TMEM182: variants seen among roughly 807,000 people sequenced by gnomAD.
TMEM182 encodes the protein transmembrane protein 182.
In TMEM182, 20 loss-of-function variants were observed where a neutral mutation model predicts 26.8. The observed-to-expected ratio is 0.75, with a 90% CI of 0.53 to 1.09. The LOEUF (loss-of-function observed/expected upper bound fraction) is 1.09, where lower values mean the gene tolerates loss of function less well. TMEM182 is among the 50% of genes least tolerant of loss of function. TMEM182 has a pLI of 0.00. For synonymous variants in TMEM182, 109 were observed against 102.2 expected, an observed-to-expected ratio of 1.07 and a Z score of -0.40; for missense variants, 277 against 275.5, an observed-to-expected ratio of 1.01 and a Z score of -0.04.
At chr2:102,820,350 A>T (rs1171231118), downstream of TMEM182, among the ~76,000 whole-genome samples, 3 of 152,228 alleles carry the variant, frequency 2.0e-5, no homozygotes, top group Non-Finnish European at 4.4e-5. Flanking sequence ...ATGGCACTAG[A>T]TGTTAGATAC....
intron 3 of TMEM182, among the ~76,000 whole-genome samples, chr2:102,769,763 T>C (rs1433649253): frequency 6.6e-6 from 1 of 152,232 alleles, no homozygotes; most frequent in African/African-American, 2.4e-5. Flanking sequence ...GTTGTTATTG[T>C]GCCATACTAT....
rs182511488 is a variant in TMEM182 at position 102,794,211 on chromosome 2, G to T, written c.332-3652G>T. On this transcript the variant is annotated intron_variant, in intron 3 of 4. Coordinates refer to ENST00000412401, the MANE Select transcript of TMEM182 (RefSeq NM_144632.5). ...TATTTTACAGAAAAAGAGACTTCTA[G>T]GAGTTTCAGTAACTGGTCCAAAGTT... Among the ~76,000 whole-genome samples the T allele has an allele frequency of 1.5e-3, 223 of 152,246 alleles. 5 individuals carry two copies. The highest frequency in any genetic ancestry group is 2.2e-4 in the Non-Finnish European group (15 of 68,006).
intron 3 of TMEM182, among the ~76,000 whole-genome samples, chr2:102,771,699 A>C (rs1403222888): frequency 6.6e-6 from 1 of 152,000 alleles, no homozygotes; most frequent in Non-Finnish European, 1.5e-5. Context: ...GAGATCCCTG[A>C]AAATGCCTTC....
intron 4 of TMEM182, among the ~76,000 whole-genome samples, chr2:102,809,168 G>C (rs1409060081): frequency 1.3e-5 from 2 of 152,092 alleles, no homozygotes; most frequent in Non-Finnish European, 2.9e-5. Flanking sequence ...TTTAGGTATG[G>C]GCTGATTTAA....
chr2:102,803,208 A>C (rs544686464), intron 4 of TMEM182, among the ~76,000 whole-genome samples: 19 of 152,326 alleles, frequency 1.2e-4, no homozygotes, highest in Non-Finnish European at 1.5e-5. Flanking sequence ...CCACGAGCAC[A>C]GGGTGAGCTC....
chr2:102,777,799 T>C (rs1680986387), intron 3 of TMEM182, among the ~76,000 whole-genome samples: 1 of 151,498 alleles, frequency 6.6e-6, no homozygotes, highest in African/African-American at 2.4e-5. Context: ...TTTGCCTTAT[T>C]GCACAGACTA....
chr2:102,835,317 A>T (rs993601111), intron 3 of TMEM182, among the ~76,000 whole-genome samples: 6 of 152,178 alleles, frequency 3.9e-5, no homozygotes, highest in Non-Finnish European at 8.8e-5. Flanking sequence ...TTTTTACAGT[A>T]GTTTTAGGTT....
chr2:102,764,412 T>G lies in TMEM182; in HGVS notation c.316T>G (p.Tyr106Asp). Reference sequence around the variant, plus strand: ...GAGAGGCGAGCACAACTCGACCTCCTATGACTCTGCAGTTAGTAAGTACCC... The same window carrying G: ...GAGAGGCGAGCACAACTCGACCTCCGATGACTCTGCAGTTAGTAAGTACCC... ...FMRGEHNSTS[Y>D]DSAVIYRGFW... Residue 106 changes from tyrosine to aspartate, a missense_variant, in exon 3 of 5, where the codon TAT becomes GAT. By Grantham distance (160) the Tyr-to-Asp change is radical. Coordinates refer to ENST00000412401, the MANE Select transcript of TMEM182 (RefSeq NM_144632.5). 6.2e-7 allele frequency: 1 copy of G among 1,613,858 alleles called. No individual in the cohort carries two copies. Among genetic ancestry groups the G allele is most frequent in the Non-Finnish European group, 8.5e-7 (1 of 1,179,834 alleles).
intron 3 of TMEM182, among the ~76,000 whole-genome samples, chr2:102,832,420 T>A (rs1004962579): frequency 6.6e-6 from 1 of 152,228 alleles, no homozygotes; most frequent in Non-Finnish European, 1.5e-5. Flanking sequence ...AGTATCATTC[T>A]TTGAAGGCCT....
rs774047240 is a variant in TMEM182, at chr2:102,774,250, C to CTT, written c.331+9844_331+9845dup. ...GATGTTTTTTACACTTTCTTTCTTT[C>CTT]TTTTTTTTTTTTTTTTTTTTTTGGT... On this transcript the variant is annotated intron_variant, in intron 3 of 4. Transcript: ENST00000412401. Among the ~76,000 whole-genome samples the CTT allele has an allele frequency of 3.1e-3, 300 of 96,124 alleles. 6 individuals are homozygous for CTT. Among genetic ancestry groups the CTT allele is most frequent in the Middle Eastern group, 0.01 (1 of 98 alleles). 63.1% of individuals were successfully genotyped at this position (96,124 alleles called of 152,430 possible). A position where few individuals can be genotyped will look rare whatever the true frequency, so the allele number is the denominator to read the frequency against.
intron 1 of TMEM182, among the ~76,000 whole-genome samples, chr2:102,742,882 G>A (rs1679583244): frequency 2.6e-5 from 4 of 152,076 alleles, no homozygotes; most frequent in Admixed American, 2.6e-4. Context: ...AAAAGCTGAT[G>A]AAATTCATTT....
In TMEM182 at chr2:102,797,876, C is replaced by T. The variant is rs369312176; in HGVS notation, c.345C>T (p.Phe115=). The T allele has an allele frequency of 6.2e-7, 1 of 1,612,624 alleles. No homozygotes were observed. The highest frequency in any genetic ancestry group is 1.3e-5 in the African/African-American group (1 of 74,730). The part of the protein sequence containing the change: ...SYDSAVIYRG[F]WAVLMLLGVV... ...TGGGGTCTCCAGTTTACCGTGGTTT[C>T]TGGGCAGTCCTGATGCTCCTGGGGG... Residue 115 remains phenylalanine, a synonymous_variant, in exon 4 of 5, where the codon TTC becomes TTT. Transcript: ENST00000412401.
chr2:102,775,757 A>G (rs1680890080), intron 3 of TMEM182, among the ~76,000 whole-genome samples: 1 of 152,214 alleles, frequency 6.6e-6, no homozygotes, highest in Non-Finnish European at 1.5e-5. Flanking sequence ...AGACAAACAG[A>G]GAGCCAAATC....
chr2:102,840,218 A>C (rs1019380973), intron 3 of TMEM182, among the ~76,000 whole-genome samples: 11 of 152,124 alleles, frequency 7.2e-5, no homozygotes, highest in Non-Finnish European at 1.0e-4. Context: ...GGGAGGGATG[A>C]GGGAGTGGGA....
chr2:102,792,975 TC>T (rs1681712125), intron 3 of TMEM182, among the ~76,000 whole-genome samples: 1 of 152,180 alleles, frequency 6.6e-6, no homozygotes. Context: ...CTCCTCCCTT[TC>T]TTGCATCCCC....
chr2:102,741,370 T>C (rs773747910), intron 1 of TMEM182, among the ~76,000 whole-genome samples: 7 of 152,148 alleles, frequency 4.6e-5, no homozygotes, highest in Non-Finnish European at 8.8e-5. Flanking sequence ...CAGGTTCTTA[T>C]GTTGAAGATC....
At chr2:102,805,953 T>A (rs1396757561) in intron 4 of TMEM182, among the ~76,000 whole-genome samples, 1 of 152,190 alleles carries the variant, frequency 6.6e-6, no homozygotes, top group Non-Finnish European at 1.5e-5. Flanking sequence ...AATTAGGTTT[T>A]GTCACAGTGA....
At chr2:102,818,019 G>A (rs1558790297), downstream of TMEM182, among the ~76,000 whole-genome samples, 1 of 152,178 alleles carries the variant, frequency 6.6e-6, no homozygotes, top group South Asian at 2.1e-4. Flanking sequence ...AATGTCAGAG[G>A]TGTTAGGCAG....
At chr2:102,813,671 A>G (rs528624361) in intron 4 of TMEM182, among the ~76,000 whole-genome samples, 4 of 152,280 alleles carry the variant, frequency 2.6e-5, no homozygotes, top group East Asian at 1.9e-4. Context: ...CCTTCTGGCA[A>G]TTACGGTAAC....
Sources: gnomAD v4.1 joint callset for allele counts (sites outside exome capture counted in the v4.1 genomes callset) on GRCh38, gnomAD v4.1.1 for gene constraint, MANE v1.5 for transcripts, NCBI Gene and HGNC (gene_info 2026-07-23, HGNC 2026-07-21) for gene names.